The following CRPPA variants were observed in gnomAD, a reference collection of about 807,000 sequenced individuals.
CRPPA encodes the protein D-ribitol-5-phosphate cytidylyltransferase.
Under a neutral mutation model 52.0 loss-of-function variants are expected in CRPPA, and 43 were observed. The ratio of observed to expected loss-of-function variants is 0.83; its 90% CI spans 0.65 to 1.07. The LOEUF (loss-of-function observed/expected upper bound fraction) is 1.07, where lower values mean the gene tolerates loss of function less well. CRPPA is among the 50% of genes least tolerant of loss of function. The pLI is 0.00. For missense variants in CRPPA, 629 were observed against 551.7 expected, an observed-to-expected ratio of 1.14 and a Z score of -1.40; for synonymous variants, 250 against 203.5, an observed-to-expected ratio of 1.23 and a Z score of -1.94.
chr7:16,260,830 G>C (rs1783775107), intron 6 of CRPPA, among the ~76,000 whole-genome samples: 1 of 151,874 alleles, frequency 6.6e-6, no homozygotes, highest in African/African-American at 2.4e-5. Context: ...ATTTCTTTAG[G>C]ACAGAGCTTA....
rs10262782 is a variant in CRPPA, at chr7:16,260,742, T to C, written c.934-1730A>G. On this transcript the variant is annotated intron_variant, in intron 6 of 9. Coordinates refer to ENST00000407010, the MANE Select transcript of CRPPA (RefSeq NM_001101426.4). ...GAACTCAGAAAAAAAAAAATCTTAC[T>C]TTAAAATTTCCTTCTGCATGTAGAG... Among the ~76,000 whole-genome samples the C allele has an allele frequency of 6.9e-3, 1,049 of 152,012 alleles. 11 individuals carry two copies. The highest frequency in any genetic ancestry group is 0.024 in the African/African-American group (1,001 of 41,508).
intron 9 of CRPPA, among the ~76,000 whole-genome samples, chr7:16,198,865 A>G (rs1185910001): frequency 6.6e-6 from 1 of 152,042 alleles, no homozygotes; most frequent in African/African-American, 2.4e-5. Context: ...TGAATTTTAT[A>G]TAATATAAAG....
chr7:16,111,219 T>C (rs1485680706), intron 9 of CRPPA, among the ~76,000 whole-genome samples: 1 of 152,054 alleles, frequency 6.6e-6, no homozygotes, highest in Non-Finnish European at 1.5e-5. Context: ...AAATTTAACC[T>C]ACAATAAGAT....
chr7:16,243,714 C>T (rs1410447316), intron 8 of CRPPA, among the ~76,000 whole-genome samples: 1 of 151,982 alleles, frequency 6.6e-6, no homozygotes, highest in Non-Finnish European at 1.5e-5. Context: ...GTCTGTAATC[C>T]CAACACTTTG....
chr7:16,158,509 C>T (rs1226994950), intron 9 of CRPPA, among the ~76,000 whole-genome samples: 7 of 151,992 alleles, frequency 4.6e-5, no homozygotes, highest in Admixed American at 3.9e-4. Context: ...AAATTTTCTA[C>T]CCACTGGACT....
intron 3 of CRPPA, among the ~76,000 whole-genome samples, chr7:16,324,128 G>T (rs892447132): frequency 6.6e-6 from 1 of 152,136 alleles, no homozygotes; most frequent in Non-Finnish European, 1.5e-5. Flanking sequence ...AAATGGATAG[G>T]ATACATGCTG....
chr7:16,189,503 G>A (rs1949952), intron 9 of CRPPA, among the ~76,000 whole-genome samples: 51,447 of 152,034 alleles, frequency 0.34, 9,317 homozygotes, highest in Admixed American at 0.42. Flanking sequence ...TTGAGCAAGA[G>A]CTACCACATA....
intron 8 of CRPPA, among the ~76,000 whole-genome samples, chr7:16,218,346 TG>T (rs1782391385): frequency 7.6e-6 from 1 of 131,320 alleles, no homozygotes; most frequent in Non-Finnish European, 1.6e-5. Flanking sequence ...CATGCCAAAA[TG>T]TAAAGACCAT....
chr7:16,413,697 C>T (rs1235665813), intron 1 of CRPPA, among the ~76,000 whole-genome samples: 1 of 152,098 alleles, frequency 6.6e-6, no homozygotes, highest in African/African-American at 2.4e-5. Context: ...TGTAAAAGTA[C>T]ACAAGAAAAC....
At chr7:16,357,953 C>A (rs1403692304) in intron 3 of CRPPA, among the ~76,000 whole-genome samples, 1 of 152,130 alleles carries the variant, frequency 6.6e-6, no homozygotes, top group Non-Finnish European at 1.5e-5. Context: ...CCTGGGAGTC[C>A]CCGAATGGAT....
intron 2 of CRPPA, among the ~76,000 whole-genome samples, chr7:16,395,620 A>G (rs1652716060): frequency 6.6e-6 from 1 of 152,216 alleles, no homozygotes; most frequent in Non-Finnish European, 1.5e-5. Context: ...TCTTAGAAAA[A>G]TCTTTATTCA....
chr7:16,275,400 C>G (rs1012423457), intron 6 of CRPPA, among the ~76,000 whole-genome samples: 3 of 152,022 alleles, frequency 2.0e-5, no homozygotes, highest in African/African-American at 4.8e-5. Flanking sequence ...AAAGCACCAG[C>G]CTGAGAAGTC....
intron 5 of CRPPA, among the ~76,000 whole-genome samples, chr7:16,292,354 A>G (rs1422669256): frequency 3.3e-5 from 5 of 151,942 alleles, no homozygotes; most frequent in Non-Finnish European, 7.4e-5. Context: ...GGACTCTTCA[A>G]TGCTATAGCT....
At chr7:16,276,015 G>C (rs993740487) in intron 6 of CRPPA, among the ~76,000 whole-genome samples, 5 of 151,852 alleles carry the variant, frequency 3.3e-5, no homozygotes, top group Admixed American at 3.3e-4. Context: ...ATAAAAGTCA[G>C]ACTTGGAATA....
chr7:16,345,819 T>C (rs1583536507), intron 3 of CRPPA, among the ~76,000 whole-genome samples: 1 of 152,186 alleles, frequency 6.6e-6, no homozygotes, highest in African/African-American at 2.4e-5. Context: ...TATAAAAGTA[T>C]AGAAATCTGC....
At chr7:16,388,226 T>C (rs532284551) in intron 2 of CRPPA, among the ~76,000 whole-genome samples, 1 of 152,198 alleles carries the variant, frequency 6.6e-6, no homozygotes, top group South Asian at 2.1e-4. Flanking sequence ...TCTGCCTGCC[T>C]TGGAGTCCCC....
At chr7:16,393,759 T>C (rs1278167224) in intron 2 of CRPPA, among the ~76,000 whole-genome samples, 2 of 152,138 alleles carry the variant, frequency 1.3e-5, no homozygotes, top group African/African-American at 2.4e-5. Context: ...TCACAACACA[T>C]TGTGATTTTT....
intron 4 of CRPPA, among the ~76,000 whole-genome samples, chr7:16,303,458 G>T: frequency 1.6e-5 from 1 of 61,760 alleles, no homozygotes; most frequent in Non-Finnish European, 3.0e-5. Flanking sequence ...TCTTGTTTCT[G>T]TGTTGAGACA....
chr7:16,239,712 C>T (rs1267637395), intron 8 of CRPPA, among the ~76,000 whole-genome samples: 2 of 152,104 alleles, frequency 1.3e-5, no homozygotes, highest in East Asian at 3.9e-4. Context: ...TATTTTGCCT[C>T]CTGTGCATTT....
Sources: gnomAD v4.1 joint callset for allele counts (sites outside exome capture counted in the v4.1 genomes callset) on GRCh38, gnomAD v4.1.1 for gene constraint, MANE v1.5 for transcripts, NCBI Gene and HGNC (gene_info 2026-07-23, HGNC 2026-07-21) for gene names.